ABI3: variants seen among roughly 807,000 people sequenced by gnomAD.
ABI3 encodes the protein ABI gene family member 3.
Under a neutral mutation model 37.0 loss-of-function variants are expected in ABI3, and 24 were observed. The observed-to-expected ratio is 0.65, with a 90% confidence interval of 0.47 to 0.91. The LOEUF (loss-of-function observed/expected upper bound fraction) is 0.91, where lower values mean the gene tolerates loss of function less well. Among genes scored for constraint, ABI3 ranks in the 40% least tolerant of loss-of-function variants. The pLI is 0.00. For synonymous variants in ABI3, 220 were observed against 211.8 expected (o/e 1.04, Z -0.34); for missense variants, 481 against 485.1 (o/e 0.99, Z 0.08).
Position 49,216,516 on chromosome 17 carries a change from CTG to C in ABI3, c.118-9_118-8del. 6.4e-7 allele frequency: 1 copy of C among 1,551,026 alleles called. No individual in the cohort carries two copies. On this transcript the variant is annotated splice_polypyrimidine_tract_variant and intron_variant, in intron 1 of 7. Transcript: ENST00000225941. ...GAAGATGCTGGCCCTTAGGCCAGGG[CTG>C]TGTGTATTTCAGGCCACAGACAAGC...
intron 1 of ABI3, among the ~76,000 whole-genome samples, chr17:49,215,995 C>T (rs2043214123): frequency 6.6e-6 from 1 of 151,508 alleles, no homozygotes; most frequent in Non-Finnish European, 1.5e-5. Context: ...CTTGTAATCC[C>T]AACTACTTGG....
At chr17:49,214,792 C>T (rs1229096446) in intron 1 of ABI3, among the ~76,000 whole-genome samples, 1 of 152,212 alleles carries the variant, frequency 6.6e-6, no homozygotes, top group Non-Finnish European at 1.5e-5. Flanking sequence ...TGACCCTGGC[C>T]AGTGCCTGGC....
chr17:49,216,599 C>T lies in ABI3; in HGVS notation c.186C>T (p.Ala62=), dbSNP rs773058264. ...CTACCCAGGCACTGGCCAGCGTGGC[C>T]TACCAGGTGGGCAACCTGGCCGGGC... ...AFTTQALASV[A]YQVGNLAGHT... The change falls in exon 2 of 8, where the codon GCC becomes GCT. Residue 62 remains alanine, a synonymous_variant. Coordinates refer to ENST00000225941, the MANE Select transcript of ABI3 (RefSeq NM_016428.3). The T allele has an allele frequency of 5.6e-6, 9 of 1,611,492 alleles. No homozygotes were observed. The African/African-American group carries it at 1.2e-4, about 22-fold the overall frequency.
intron 7 of ABI3, 40 bp from the exon 8 acceptor site, chr17:49,222,512 G>A: frequency 6.2e-7 from 1 of 1,605,554 alleles, no homozygotes; most frequent in Admixed American, 1.7e-5. Flanking sequence ...GAGAGGGCAA[G>A]AGGCATTATC....
rs1241818195 is a variant in ABI3, at chr17:49,219,632, C to A, written c.548+7C>A. 2 of 1,596,340 alleles carry A rather than the reference C, an allele frequency of 1.3e-6. No individual in the cohort carries two copies. The highest frequency in any genetic ancestry group is 2.3e-5 in the East Asian group (1 of 44,180). Reference sequence around the variant, plus strand: ...CCGCCTCCGCCACCTTGGGGTGAGGCCTCGCCGCGACGCCAACTAGCCTAG... The same window carrying A: ...CCGCCTCCGCCACCTTGGGGTGAGGACTCGCCGCGACGCCAACTAGCCTAG... On this transcript the variant is annotated splice_region_variant and intron_variant, in intron 4 of 7. Transcript: ENST00000225941. The surrounding 1 kb of genome is among the most constrained non-coding windows in gnomAD (Gnocchi z 4.3).
chr17:49,216,281 GTA>G (rs1380895964), intron 1 of ABI3, among the ~76,000 whole-genome samples: 2 of 151,984 alleles, frequency 1.3e-5, no homozygotes, highest in Non-Finnish European at 2.9e-5. Context: ...TTGAGAATGG[GTA>G]TCTTTCCCTC....
chr17:49,217,363 G>A (rs2043229908), intron 2 of ABI3, among the ~76,000 whole-genome samples: 2 of 152,106 alleles, frequency 1.3e-5, no homozygotes, highest in African/African-American at 4.8e-5. Context: ...TCCCCCAAAG[G>A]GGAGAGCTGA....
Position 49,216,644 on chromosome 17 carries a change from C to T in ABI3, c.231C>T (p.Asp77=), listed in dbSNP as rs931490441. 11 of 1,610,672 alleles carry T rather than the reference C, an allele frequency of 6.8e-6. No individual in the cohort carries two copies. The highest frequency in any genetic ancestry group is 6.7e-5 in the East Asian group (3 of 44,606). Residue 77 remains aspartate, a synonymous_variant, in exon 2 of 8, where the codon GAC becomes GAT. Transcript: ENST00000225941. ...NLAGHTLRML[D]LQGAALRQVE... ...CCGGGCACACTCTGCGCATGTTGGA[C>T]CTGCAGGGGGCCGCCCTGCGGCAGG...
At position 49,216,642 on chromosome 17, in the gene ABI3, G is replaced by T; in HGVS notation, c.229G>T (p.Asp77Tyr). 6.2e-7 allele frequency: 1 copy of T among 1,611,090 alleles called. No homozygotes were observed. The highest frequency in any genetic ancestry group is 1.1e-5 in the South Asian group (1 of 90,582). The change falls in exon 2 of 8, where the codon GAC (aspartate) becomes TAC (tyrosine). Residue 77 changes from aspartate (D) to tyrosine (Y), a missense_variant. By Grantham distance (160) the Asp-to-Tyr change is radical. Transcript: ENST00000225941. ...NLAGHTLRMLDLQGAALRQVE... is the reference protein window; with the variant it reads ...NLAGHTLRMLYLQGAALRQVE... The stretch of plus-strand genomic sequence containing the variant: ...GGCCGGGCACACTCTGCGCATGTTG[G>T]ACCTGCAGGGGGCCGCCCTGCGGCA...
At position 49,210,716 on chromosome 17, in the gene ABI3, C is replaced by T. The variant is rs1485139625; in HGVS notation, c.-9C>T. 2 of 1,555,674 alleles carry T rather than the reference C, an allele frequency of 1.3e-6. No homozygotes were observed. The highest frequency in any genetic ancestry group is 1.7e-6 in the Non-Finnish European group (2 of 1,149,148). On this transcript the variant is annotated 5_prime_UTR_variant, in exon 1 of 8. Transcript: ENST00000225941. This position sits in a 1 kb window ranked among gnomAD's most constrained non-coding sequence, Gnocchi z 4.2. The stretch of plus-strand genomic sequence containing the variant: ...GGCTCCCTGGGGAGCCAGACAGAGG[C>T]TGGGGGTGATGGCGGAGCTACAGCA...
At position 49,219,506 on chromosome 17, in the gene ABI3, C is replaced by T. The variant is rs767154502; in HGVS notation, c.463-34C>T. The T allele has an allele frequency of 4.5e-6, 7 of 1,552,756 alleles. No homozygotes were observed. Among genetic ancestry groups the T allele is most frequent in the Non-Finnish European group, 5.2e-6 (6 of 1,143,362 alleles). Reference sequence around the variant, plus strand: ...TGAGGGTGGAGGGAGGCCCCTCACCCCAAATGTAAGCCCTACCTCCCGCTC... The same window carrying T: ...TGAGGGTGGAGGGAGGCCCCTCACCTCAAATGTAAGCCCTACCTCCCGCTC... On this transcript the variant is annotated intron_variant, in intron 3 of 7. Coordinates refer to ENST00000225941, the MANE Select transcript of ABI3 (RefSeq NM_016428.3). This position sits in a 1 kb window ranked among gnomAD's most constrained non-coding sequence, Gnocchi z 4.3.
intron 6 of ABI3, 110 bp from the exon 7 acceptor site, chr17:49,221,981 C>G: frequency 7.2e-7 from 1 of 1,394,680 alleles, no homozygotes; most frequent in Non-Finnish European, 9.4e-7. Context: ...GGCCTCCCAA[C>G]GTGCCTCGCT....
rs553146115 is a variant in ABI3, at chr17:49,222,995, G to C, written c.*280G>C. The C allele has an allele frequency of 1.1e-4, 56 of 504,584 alleles. 1 individual carries two copies. Among genetic ancestry groups the C allele is most frequent in the Non-Finnish European group, 1.9e-4 (53 of 284,444 alleles). The allele number at this position is 504,584 out of a possible 1,614,324, so 31.3% of individuals were successfully genotyped here. On this transcript the variant is annotated 3_prime_UTR_variant, in exon 8 of 8. Coordinates refer to ENST00000225941, the MANE Select transcript of ABI3 (RefSeq NM_016428.3). ...GTCTCCTGCTGCAAGTCCCAACTTTGAATAAAACAGATGATGTCCTGTGAC... is the reference window on the plus strand; with the variant it reads ...GTCTCCTGCTGCAAGTCCCAACTTTCAATAAAACAGATGATGTCCTGTGAC...
At chr17:49,220,461 G>T in intron 6 of ABI3, 135 bp downstream of exon 6, 1 of 1,162,402 alleles carries the variant, frequency 8.6e-7, no homozygotes, top group Non-Finnish European at 1.2e-6. Flanking sequence ...GCACAGGGGC[G>T]AAAGGAGACA....
intron 1 of ABI3, among the ~76,000 whole-genome samples, chr17:49,211,292 T>C (rs922270334): frequency 3.3e-5 from 5 of 151,980 alleles, no homozygotes; most frequent in Non-Finnish European, 5.9e-5. Context: ...TTCCCTGAGT[T>C]TGGGAAAGGG....
intron 6 of ABI3, among the ~76,000 whole-genome samples, chr17:49,221,154 CAGAGGG>C (rs2043282599): frequency 6.6e-6 from 1 of 150,994 alleles, no homozygotes; most frequent in Non-Finnish European, 1.5e-5. Flanking sequence ...GCCTGGGTGA[CAGAGGG>C]AGATTCCCTC....
chr17:49,216,414 T>G (rs1474286933), intron 1 of ABI3, 117 bp from the exon 2 acceptor site: 6 of 962,006 alleles, frequency 6.2e-6, no homozygotes, highest in Non-Finnish European at 8.5e-6. Flanking sequence ...ATCTAAGGGT[T>G]GCTGCTCTCT....
chr17:49,211,160 A>G (rs777367418), intron 1 of ABI3, among the ~76,000 whole-genome samples: 28 of 152,176 alleles, frequency 1.8e-4, no homozygotes, highest in Non-Finnish European at 2.9e-4. Context: ...CAGAGACCCA[A>G]AGCCTCCGTC....
intron 2 of ABI3, 120 bp downstream of exon 2, chr17:49,216,818 C>A: frequency 8.3e-7 from 1 of 1,210,516 alleles, no homozygotes; most frequent in Non-Finnish European, 1.1e-6. Flanking sequence ...ATGCCCAACT[C>A]TACAGCAGAA....
Sources: allele counts gnomAD v4.1 joint callset (sites outside exome capture counted in the v4.1 genomes callset), GRCh38; gene constraint gnomAD v4.1.1; non-coding constraint Gnocchi (gnomAD v3.1); transcripts MANE v1.5; gene names NCBI Gene and HGNC (gene_info 2026-07-23, HGNC 2026-07-21).